The following HACL1 variants were observed in gnomAD, a reference collection of about 807,000 sequenced individuals.
HACL1 encodes the protein 2-hydroxyacyl-CoA lyase 1.
A neutral mutation model predicts 74.2 loss-of-function variants in HACL1; 64 were observed. That is an observed-to-expected ratio of 0.86 (90% CI 0.70 to 1.06). The LOEUF is 1.06. Ranked by LOEUF, HACL1 falls within the 50% of genes least tolerant of loss-of-function variation. HACL1 has a pLI of 0.00. For synonymous variants in HACL1, 230 were observed against 238.8 expected (o/e 0.96, Z 0.34); for missense variants, 728 against 719.7 (o/e 1.01, Z -0.13).
At chr3:15,580,224 C>T (rs2063697039) in intron 8 of HACL1, among the ~76,000 whole-genome samples, 179 bp from the exon 9 acceptor site, 1 of 152,130 alleles carries the variant, frequency 6.6e-6, no homozygotes, top group Non-Finnish European at 1.5e-5. Flanking sequence ...GCCTCCCTGG[C>T]TCAAGCAATC....
Position 15,580,125 on chromosome 3 carries a change from C to T in HACL1, c.668-80G>A, listed in dbSNP as rs890064627. On this transcript the variant is annotated intron_variant, in intron 8 of 16. Coordinates refer to ENST00000321169, the MANE Select transcript of HACL1 (RefSeq NM_012260.4). ...CCTTAAAAAAGTTCATGTGAAATTG[C>T]TTTTTACTTATTTATATTTTGAGAC... 12 of 1,146,054 alleles carry T rather than the reference C, an allele frequency of 1.0e-5. No homozygotes were observed. In the South Asian group the frequency reaches 1.5e-4, roughly 14 times the overall value. 71.0% of individuals were successfully genotyped at this position (1,146,054 alleles called of 1,614,324 possible).
intron 9 of HACL1, among the ~76,000 whole-genome samples, chr3:15,576,845 A>C (rs1454856624): frequency 1.3e-5 from 2 of 152,190 alleles, no homozygotes; most frequent in Non-Finnish European, 2.9e-5. Flanking sequence ...AATTGAGTAC[A>C]TACTCAAAAA....
chr3:15,592,081 T>C, intron 3 of HACL1, among the ~76,000 whole-genome samples: 1 of 136,422 alleles, frequency 7.3e-6, no homozygotes, highest in Non-Finnish European at 1.5e-5. Flanking sequence ...TACGTATACG[T>C]ATATATACAC....
chr3:15,591,991 T>C (rs1043917510), intron 3 of HACL1, among the ~76,000 whole-genome samples: 5 of 148,918 alleles, frequency 3.4e-5, no homozygotes, highest in Non-Finnish European at 7.4e-5. Context: ...ACTATATACC[T>C]ATAGTATATA....
intron 3 of HACL1, among the ~76,000 whole-genome samples, chr3:15,594,081 G>A (rs940221197): frequency 1.3e-5 from 2 of 152,186 alleles, no homozygotes; most frequent in African/African-American, 4.8e-5. Context: ...TTACAGGCAT[G>A]AGCCACCGCG....
At chr3:15,569,259 G>A (rs1476779253) in intron 12 of HACL1, among the ~76,000 whole-genome samples, 1 of 152,146 alleles carries the variant, frequency 6.6e-6, no homozygotes, top group African/African-American at 2.4e-5. Context: ...TTCTGCTGGA[G>A]ATTATACACA....
intron 12 of HACL1, among the ~76,000 whole-genome samples, chr3:15,569,751 C>T (rs1332185099): frequency 1.3e-5 from 2 of 151,160 alleles, no homozygotes; most frequent in African/African-American, 2.4e-5. Flanking sequence ...ACCCAGGAGG[C>T]GGAGGTTGCG....
At chr3:15,594,309 G>C (rs1300411795) in intron 3 of HACL1, among the ~76,000 whole-genome samples, 1 of 152,162 alleles carries the variant, frequency 6.6e-6, no homozygotes, top group South Asian at 2.1e-4. Flanking sequence ...GGGAGGCTGA[G>C]GCAGGAGAAT....
At chr3:15,576,024 T>C (rs71627130) in intron 9 of HACL1, among the ~76,000 whole-genome samples, 1 of 111,712 alleles carries the variant, frequency 9.0e-6, no homozygotes, top group Admixed American at 9.8e-5. Flanking sequence ...GTTGTGGTGG[T>C]GCGTGCCTGT....
chr3:15,591,790 C>A (rs2063900566), intron 3 of HACL1, 110 bp from the exon 4 acceptor site: 3 of 629,798 alleles, frequency 4.8e-6, no homozygotes, highest in Non-Finnish European at 8.6e-6. Context: ...ACATACAAGT[C>A]TTTACTATAA....
At chr3:15,587,039 G>A (rs2063807715) in intron 5 of HACL1, among the ~76,000 whole-genome samples, 1 of 152,118 alleles carries the variant, frequency 6.6e-6, no homozygotes, top group Admixed American at 6.5e-5. Flanking sequence ...ATTTCTGCCA[G>A]TGTTCCTTTT....
At position 15,601,536 on chromosome 3, in the gene HACL1, A is replaced by C. The variant is rs2019160; in HGVS notation, c.-73T>G. The C allele has an allele frequency of 6.2e-7, 1 of 1,606,898 alleles. No individual in the cohort carries two copies. The highest frequency in any genetic ancestry group is 2.2e-5 in the East Asian group (1 of 44,866). On this transcript the variant is annotated 5_prime_UTR_variant, in exon 1 of 17. Transcript: ENST00000321169. ...AATCATCCAGCAAGGCAAACGCGAAATCGGCAGCACGCCACCTCTGGTACT... is the reference window on the plus strand; with the variant it reads ...AATCATCCAGCAAGGCAAACGCGAACTCGGCAGCACGCCACCTCTGGTACT...
At chr3:15,569,147 G>C (rs2063481506) in intron 12 of HACL1, among the ~76,000 whole-genome samples, 1 of 152,154 alleles carries the variant, frequency 6.6e-6, no homozygotes, top group South Asian at 2.1e-4. Flanking sequence ...AAACGCCTTT[G>C]TCTAGCCACA....
At position 15,571,672 on chromosome 3, in the gene HACL1, G is replaced by T; in HGVS notation, c.1091C>A (p.Ser364Tyr). The T allele has an allele frequency of 1.5e-6, 2 of 1,353,652 alleles. No homozygotes were observed. Among genetic ancestry groups the T allele is most frequent in the Non-Finnish European group, 2.1e-6 (2 of 943,306 alleles). 83.9% of individuals were successfully genotyped at this position (1,353,652 alleles called of 1,614,324 possible). ...REKMKSNEAA[S>Y]KELASKKSLP... ...CGTCAGTAGGTCCGATTTTACCTTG[G>T]ATGCAGCTTCATTGCTCTTCATTTT... Residue 364 changes from serine (S) to tyrosine (Y), a missense_variant, in exon 12 of 17, where the codon TCC becomes TAC. Physicochemically the swap from Ser to Tyr is moderately radical, Grantham distance 144 (BLOSUM62 -2). Transcript: ENST00000321169.
At chr3:15,587,574 T>G (rs6778729) in intron 5 of HACL1, among the ~76,000 whole-genome samples, 241 of 152,316 alleles carry the variant, frequency 1.6e-3, no homozygotes, top group African/African-American at 5.4e-3. Context: ...TATTTTCCAT[T>G]TCAGGAAAAA....
chr3:15,569,400 T>C (rs1207195298), intron 12 of HACL1, among the ~76,000 whole-genome samples: 4 of 152,204 alleles, frequency 2.6e-5, no homozygotes, highest in Admixed American at 6.5e-5. Flanking sequence ...AAATTGAGAC[T>C]GGTGGCCAGG....
chr3:15,601,058 T>C, intron 2 of HACL1, 32 bp downstream of exon 2: 5 of 1,301,728 alleles, frequency 3.8e-6, no homozygotes, highest in East Asian at 2.3e-5. Context: ...TCATTCCCAG[T>C]AACGCATTCA....
At chr3:15,584,118 T>C (rs1163475627) in intron 7 of HACL1, among the ~76,000 whole-genome samples, 1 of 152,204 alleles carries the variant, frequency 6.6e-6, no homozygotes, top group Non-Finnish European at 1.5e-5. Flanking sequence ...AATTTAGACA[T>C]ATTGTCAAAA....
At chr3:15,574,631 C>T (rs557015201) in intron 10 of HACL1, among the ~76,000 whole-genome samples, 1 of 152,344 alleles carries the variant, frequency 6.6e-6, no homozygotes, top group African/African-American at 2.4e-5. Flanking sequence ...CACTCCCTAA[C>T]AAGGCCAAAT....
Sources: allele counts gnomAD v4.1 joint callset (sites outside exome capture counted in the v4.1 genomes callset), GRCh38; gene constraint gnomAD v4.1.1; transcripts MANE v1.5; gene names NCBI Gene and HGNC (gene_info 2026-07-23, HGNC 2026-07-21).